The following CDH12 variants were observed in gnomAD, a reference collection of about 807,000 sequenced individuals.
CDH12 encodes the protein cadherin 12.
Under a neutral mutation model 74.1 loss-of-function variants are expected in CDH12, and 41 were observed. The ratio of observed to expected loss-of-function variants is 0.55; its 90% confidence interval spans 0.43 to 0.72. The LOEUF is 0.72. CDH12 is among the 30% of genes least tolerant of loss of function. CDH12 has a pLI of 0.00. For synonymous variants in CDH12, 399 were observed against 355.0 expected (o/e 1.12, Z -1.39); for missense variants, 945 against 977.2 (o/e 0.97, Z 0.44).
chr5:22,446,193 T>C (rs1429771507), intron 2 of CDH12, among the ~76,000 whole-genome samples: 5 of 152,058 alleles, frequency 3.3e-5, no homozygotes, highest in Non-Finnish European at 5.9e-5. Flanking sequence ...GAGACACATG[T>C]CAGTTCTCCA....
intron 4 of CDH12, among the ~76,000 whole-genome samples, chr5:22,080,117 T>C (rs967989378): frequency 5.3e-5 from 8 of 152,048 alleles, no homozygotes; most frequent in Non-Finnish European, 1.0e-4. Context: ...GCCGAAAACG[T>C]TGGAAGCCAG....
At chr5:21,983,706 C>T (rs1388259042) in intron 5 of CDH12, among the ~76,000 whole-genome samples, 1 of 151,898 alleles carries the variant, frequency 6.6e-6, no homozygotes, top group Non-Finnish European at 1.5e-5. Flanking sequence ...AATGTTAGAC[C>T]TTACACATCT....
intron 6 of CDH12, among the ~76,000 whole-genome samples, chr5:21,880,566 T>TCCTTCCTTCCTTC (rs1561268064): frequency 2.1e-4 from 3 of 14,044 alleles, no homozygotes; most frequent in African/African-American, 2.9e-4. Flanking sequence ...TTCCTTCCCT[T>TCCTTCCTTCCTTC]CTTTCTTTCC....
chr5:22,066,343 C>A (rs1223778928), intron 5 of CDH12, among the ~76,000 whole-genome samples: 2 of 152,078 alleles, frequency 1.3e-5, no homozygotes, highest in African/African-American at 4.8e-5. Flanking sequence ...CCCAAAGGGA[C>A]CTATCACTTT....
intron 5 of CDH12, among the ~76,000 whole-genome samples, chr5:22,062,593 G>A (rs539875109): frequency 6.6e-6 from 1 of 152,218 alleles, no homozygotes; most frequent in East Asian, 1.9e-4. Context: ...TGAGCAGCAA[G>A]GTCAACCTAT....
intron 1 of CDH12, among the ~76,000 whole-genome samples, chr5:22,747,785 C>A (rs1745371198): frequency 1.3e-5 from 2 of 152,034 alleles, no homozygotes; most frequent in Non-Finnish European, 2.9e-5. Flanking sequence ...TTGGCCCTTG[C>A]AGCAAAATAG....
chr5:21,830,352 AC>A (rs1483723506), intron 8 of CDH12, among the ~76,000 whole-genome samples: 1 of 152,120 alleles, frequency 6.6e-6, no homozygotes, highest in Admixed American at 6.5e-5. Context: ...TATAAGAGGG[AC>A]AAGGAGAAGG....
intron 1 of CDH12, among the ~76,000 whole-genome samples, chr5:22,832,539 G>C (rs1736664310): frequency 6.6e-6 from 1 of 152,052 alleles, no homozygotes; most frequent in African/African-American, 2.4e-5. Flanking sequence ...CTGGGAATTA[G>C]GTTTATTATC....
intron 6 of CDH12, among the ~76,000 whole-genome samples, chr5:21,923,048 A>G (rs1035653146): frequency 6.6e-6 from 1 of 152,102 alleles, no homozygotes; most frequent in African/African-American, 2.4e-5. Context: ...ATTTAAACAC[A>G]TATTTAAGCA....
intron 2 of CDH12, among the ~76,000 whole-genome samples, chr5:22,503,410 T>C (rs1261133215): frequency 6.6e-6 from 1 of 152,088 alleles, no homozygotes; most frequent in Non-Finnish European, 1.5e-5. Context: ...TAAAGAAATG[T>C]TAATAATCAG....
intron 3 of CDH12, among the ~76,000 whole-genome samples, chr5:22,330,515 G>C (rs780076190): frequency 1.3e-5 from 2 of 152,076 alleles, no homozygotes; most frequent in Non-Finnish European, 2.9e-5. Flanking sequence ...CACTTTGGGA[G>C]GTCGAGGTGA....
chr5:22,439,374 T>G (rs1561405329), intron 2 of CDH12, among the ~76,000 whole-genome samples: 1 of 151,964 alleles, frequency 6.6e-6, no homozygotes, highest in Non-Finnish European at 1.5e-5. Flanking sequence ...AATCATTAAA[T>G]AAACTTTAGG....
intron 1 of CDH12, among the ~76,000 whole-genome samples, chr5:22,744,285 C>G (rs1034665314): frequency 6.6e-6 from 1 of 151,984 alleles, no homozygotes; most frequent in Non-Finnish European, 1.5e-5. Flanking sequence ...AAAAATTAGC[C>G]GGGCATGGTG....
At chr5:22,191,617 T>G (rs1248403839) in intron 4 of CDH12, among the ~76,000 whole-genome samples, 3 of 83,570 alleles carry the variant, frequency 3.6e-5, no homozygotes, top group Non-Finnish European at 7.1e-5. Context: ...CAGGCTGGAG[T>G]GCAGTGGCGG....
intron 8 of CDH12, 149 bp downstream of exon 8, chr5:21,842,012 A>C (rs1348914439): frequency 3.0e-6 from 2 of 657,440 alleles, no homozygotes; most frequent in South Asian, 4.3e-5. Flanking sequence ...GTATAAAAAA[A>C]AAAAAAGATT....
chr5:22,844,478 A>G (rs780681605), intron 1 of CDH12, among the ~76,000 whole-genome samples: 5 of 152,146 alleles, frequency 3.3e-5, no homozygotes, highest in Non-Finnish European at 7.4e-5. Flanking sequence ...CCAAGGACTT[A>G]GAGTCTATTA....
chr5:21,892,846 C>G (rs1752956916), intron 6 of CDH12, among the ~76,000 whole-genome samples: 1 of 152,070 alleles, frequency 6.6e-6, no homozygotes, highest in Non-Finnish European at 1.5e-5. Flanking sequence ...CCCGCTTGAT[C>G]TAAGTATTGA....
intron 3 of CDH12, among the ~76,000 whole-genome samples, chr5:22,259,855 G>A (rs1488124311): frequency 1.3e-5 from 2 of 151,850 alleles, no homozygotes; most frequent in African/African-American, 4.8e-5. Flanking sequence ...TGAGAATCCT[G>A]AGATCAAAAT....
At chr5:22,777,530 C>G (rs983025930) in intron 1 of CDH12, among the ~76,000 whole-genome samples, 5 of 151,936 alleles carry the variant, frequency 3.3e-5, no homozygotes, top group African/African-American at 1.2e-4. Context: ...ATTAAAATTA[C>G]TAGGATCCTT....
Sources: gnomAD v4.1 joint callset for allele counts (sites outside exome capture counted in the v4.1 genomes callset) on GRCh38, gnomAD v4.1.1 for gene constraint, MANE v1.5 for transcripts, NCBI Gene and HGNC (gene_info 2026-07-23, HGNC 2026-07-21) for gene names.